Variants in GPATCH2 observed in about 807,000 individuals in gnomAD.
GPATCH2 encodes the protein G patch domain-containing protein 2.
In GPATCH2, 51 loss-of-function variants were observed where a neutral mutation model predicts 58.0. The observed-to-expected ratio is 0.88, with a 90% confidence interval of 0.70 to 1.11. The LOEUF is 1.11. Among genes scored for constraint, GPATCH2 ranks in the 50% most tolerant of loss-of-function variants. The pLI, the probability that GPATCH2 is intolerant of heterozygous loss-of-function variation, is 0.00. For synonymous variants in GPATCH2, 222 were observed against 218.5 expected, an observed-to-expected ratio of 1.02 and a Z score of -0.14; for missense variants, 625 against 652.2, an observed-to-expected ratio of 0.96 and a Z score of 0.45.
chr1:217,528,453 C>G (rs1381307107), intron 5 of GPATCH2, among the ~76,000 whole-genome samples: 1 of 152,148 alleles, frequency 6.6e-6, no homozygotes, highest in Non-Finnish European at 1.5e-5. Flanking sequence ...ATCCTTCTGC[C>G]TACGATGACT....
intron 5 of GPATCH2, among the ~76,000 whole-genome samples, chr1:217,556,831 G>A (rs12564895): frequency 0.19 from 29,040 of 152,112 alleles, 3,642 homozygotes; most frequent in East Asian, 0.44. Flanking sequence ...TTTCGGGGAA[G>A]CCAATGATCC....
At chr1:217,613,446 T>A (rs1413195233) in intron 3 of GPATCH2, among the ~76,000 whole-genome samples, 5 of 152,080 alleles carry the variant, frequency 3.3e-5, no homozygotes, top group African/African-American at 4.8e-5. Flanking sequence ...GAAGAAAACA[T>A]TTGTGATAGG....
chr1:217,551,351 A>G (rs1249394540), intron 5 of GPATCH2, among the ~76,000 whole-genome samples: 1 of 152,098 alleles, frequency 6.6e-6, no homozygotes, highest in Non-Finnish European at 1.5e-5. Context: ...GTGTTCCTAA[A>G]AGGCATCAGT....
At position 217,433,048 on chromosome 1, in the gene GPATCH2, T is replaced by C. The variant is rs140092948; in HGVS notation, c.1367-1683A>G. Among the ~76,000 whole-genome samples, 322 of 150,908 alleles carry C rather than the reference T, an allele frequency of 2.1e-3. 2 individuals carry two copies. Among genetic ancestry groups the C allele is most frequent in the African/African-American group, 7.6e-3 (312 of 41,050 alleles). On this transcript the variant is annotated intron_variant, in intron 9 of 9. Transcript: ENST00000366935. ...CTTACTTCTCTCAAAGTTTCATGAG[T>C]CTCTTTAGCACCAATCTACACCTCA...
chr1:217,452,393 C>T (rs955213170), intron 8 of GPATCH2, among the ~76,000 whole-genome samples: 1 of 152,170 alleles, frequency 6.6e-6, no homozygotes, highest in Non-Finnish European at 1.5e-5. Flanking sequence ...AGCCAGGGCA[C>T]GTTTCTTAAG....
At chr1:217,479,816 A>C (rs545369625) in intron 8 of GPATCH2, among the ~76,000 whole-genome samples, 1 of 152,300 alleles carries the variant, frequency 6.6e-6, no homozygotes, top group South Asian at 2.1e-4. Flanking sequence ...AAGAAATGGA[A>C]AAAGATACTC....
chr1:217,499,588 G>A (rs1419974945), intron 6 of GPATCH2, among the ~76,000 whole-genome samples: 1 of 152,080 alleles, frequency 6.6e-6, no homozygotes, highest in East Asian at 1.9e-4. Context: ...ATGCTTCTAG[G>A]CAGGTCAAAT....
intron 4 of GPATCH2, among the ~76,000 whole-genome samples, chr1:217,610,604 A>C (rs1453392948): frequency 6.6e-6 from 1 of 152,166 alleles, no homozygotes; most frequent in Non-Finnish European, 1.5e-5. Context: ...CACTTAACTA[A>C]CCAGTGTTCA....
chr1:217,534,187 A>G (rs1237052206), intron 5 of GPATCH2, among the ~76,000 whole-genome samples: 1 of 152,148 alleles, frequency 6.6e-6, no homozygotes, highest in Non-Finnish European at 1.5e-5. Context: ...CTGCACTCCA[A>G]TCTGGTCAAC....
intron 9 of GPATCH2, among the ~76,000 whole-genome samples, chr1:217,435,959 TTAAA>T (rs2102527878): frequency 6.6e-6 from 1 of 152,296 alleles, no homozygotes; most frequent in East Asian, 1.9e-4. Context: ...TAAAATCAGT[TTAAA>T]TAGTTAAGTG....
intron 5 of GPATCH2, among the ~76,000 whole-genome samples, chr1:217,569,524 G>A (rs11586084): frequency 0.16 from 24,164 of 151,584 alleles, 2,443 homozygotes; most frequent in Non-Finnish European, 0.22. Flanking sequence ...GCGAAACCCC[G>A]CCTCTAGTAA....
intron 6 of GPATCH2, among the ~76,000 whole-genome samples, chr1:217,501,050 A>G (rs1662275739): frequency 6.6e-6 from 1 of 152,084 alleles, no homozygotes; most frequent in South Asian, 2.1e-4. Flanking sequence ...TTATTACTAC[A>G]ACGATCCTTC....
chr1:217,609,968 C>T (rs1668546481), intron 5 of GPATCH2: 1 of 1,316,550 alleles, frequency 7.6e-7, no homozygotes, highest in Admixed American at 3.8e-5. Context: ...TAGAAAGCCT[C>T]CCCAGTCAGG....
intron 8 of GPATCH2, among the ~76,000 whole-genome samples, chr1:217,468,576 AAGAG>A (rs544669823): frequency 1.3e-3 from 189 of 150,258 alleles, no homozygotes; most frequent in South Asian, 7.6e-3. Flanking sequence ...GAGAAAGAGA[AAGAG>A]AGATAGAAGA....
At position 217,429,311 on chromosome 1, in the gene GPATCH2, A is replaced by G. The variant is rs1362657670; in HGVS notation, c.*1834T>C. The G allele has an allele frequency of 6.6e-6, 1 of 152,218 alleles. No homozygotes were observed. Among genetic ancestry groups the G allele is most frequent in the Non-Finnish European group, 1.5e-5 (1 of 68,040 alleles). The allele number at this position is 152,218 out of a possible 1,614,324, so 9.4% of individuals were successfully genotyped here. The stretch of plus-strand genomic sequence containing the variant: ...TACTTTATCCAGTAAGAATGCTTCA[A>G]AAGAACATCTCTTCTGGTCGTCCAT... On this transcript the variant is annotated 3_prime_UTR_variant, in exon 10 of 10. Coordinates refer to ENST00000366935, the MANE Select transcript of GPATCH2 (RefSeq NM_018040.5).
At position 217,615,872 on chromosome 1, in the gene GPATCH2, T is replaced by C. The variant is rs566803027; in HGVS notation, c.774-1670A>G. ...GACAAAGCATTATGAATTGATGTGC[T>C]ATTTTTTCTAGACCATGATCTTCTA... is the stretch of plus-strand genomic sequence containing the variant. On this transcript the variant is annotated intron_variant, in intron 2 of 9. Coordinates refer to ENST00000366935, the MANE Select transcript of GPATCH2 (RefSeq NM_018040.5). 2.6e-5 allele frequency among the ~76,000 whole-genome samples: 4 copies of C among 152,284 alleles called. No individual in the cohort carries two copies. The South Asian group carries it at 8.3e-4, about 32-fold the overall frequency.
At chr1:217,448,142 T>C (rs1659477548) in intron 9 of GPATCH2, among the ~76,000 whole-genome samples, 1 of 151,990 alleles carries the variant, frequency 6.6e-6, no homozygotes. Flanking sequence ...TTCACATCTT[T>C]TTTTTCCTCT....
At chr1:217,560,007 C>A (rs1275850338) in intron 5 of GPATCH2, among the ~76,000 whole-genome samples, 2 of 152,276 alleles carry the variant, frequency 1.3e-5, no homozygotes, top group East Asian at 3.9e-4. Flanking sequence ...CGCCACCATG[C>A]CTGGCTAATT....
intron 5 of GPATCH2, among the ~76,000 whole-genome samples, chr1:217,553,995 A>G (rs1009131785): frequency 6.6e-6 from 1 of 152,088 alleles, no homozygotes; most frequent in African/African-American, 2.4e-5. Flanking sequence ...AAAAAATCCC[A>G]TTTACTTTCG....
Sources: gnomAD v4.1 joint callset for allele counts (sites outside exome capture counted in the v4.1 genomes callset) on GRCh38, gnomAD v4.1.1 for gene constraint, MANE v1.5 for transcripts, NCBI Gene and HGNC (gene_info 2026-07-23, HGNC 2026-07-21) for gene names.